KIAA1328: variants seen among roughly 807,000 people sequenced by gnomAD.
KIAA1328 encodes the protein KIAA1328.
Under a neutral mutation model 68.1 loss-of-function variants are expected in KIAA1328, and 52 were observed. That is an observed-to-expected ratio of 0.76 (90% CI 0.61 to 0.96). KIAA1328 has a LOEUF of 0.96. Among genes scored for constraint, KIAA1328 ranks in the 40% least tolerant of loss-of-function variants. The pLI is 0.00. For synonymous variants in KIAA1328, 232 were observed against 239.4 expected, an observed-to-expected ratio of 0.97 and a Z score of 0.28; for missense variants, 641 against 677.6, an observed-to-expected ratio of 0.95 and a Z score of 0.60.
At chr18:37,179,325 CTG>C (rs1442640277) in intron 9 of KIAA1328, among the ~76,000 whole-genome samples, 17 of 152,188 alleles carry the variant, frequency 1.1e-4, no homozygotes, top group East Asian at 5.8e-4. Flanking sequence ...ATTGAAAAGA[CTG>C]TCCTTTTTCC....
chr18:37,095,656 C>A (rs1026420915), intron 7 of KIAA1328, among the ~76,000 whole-genome samples: 3 of 151,816 alleles, frequency 2.0e-5, no homozygotes, highest in African/African-American at 7.3e-5. Context: ...AAGATGACAA[C>A]AGAACTAAAT....
intron 9 of KIAA1328, among the ~76,000 whole-genome samples, chr18:37,178,048 A>G (rs2154214899): frequency 6.6e-6 from 1 of 152,132 alleles, no homozygotes; most frequent in East Asian, 1.9e-4. Flanking sequence ...TTTTTTTTCT[A>G]TTAAAAATAA....
intron 5 of KIAA1328, among the ~76,000 whole-genome samples, chr18:36,892,034 A>G (rs1347440137): frequency 6.6e-6 from 1 of 152,212 alleles, no homozygotes; most frequent in East Asian, 1.9e-4. Flanking sequence ...GTTGCAAATA[A>G]CAGTAATACG....
At chr18:37,049,047 A>G (rs1306768890) in intron 6 of KIAA1328, among the ~76,000 whole-genome samples, 2 of 152,210 alleles carry the variant, frequency 1.3e-5, no homozygotes, top group Non-Finnish European at 2.9e-5. Context: ...AAAAACCATT[A>G]TTTATTGTGC....
At chr18:37,003,569 T>C (rs1259079414) in intron 6 of KIAA1328, among the ~76,000 whole-genome samples, 2 of 152,172 alleles carry the variant, frequency 1.3e-5, no homozygotes, top group Admixed American at 6.6e-5. Flanking sequence ...TTCCTTTTGC[T>C]GTGCAGAAGC....
Position 36,834,982 on chromosome 18 carries a change from A to G in KIAA1328, c.95-252A>G, listed in dbSNP as rs188443006. On this transcript the variant is annotated intron_variant, in intron 2 of 9. Transcript: ENST00000280020. ...CCAGGAGTTCAAGTCCAGCCTGGAT[A>G]GACATAGGAAGACCCTGTCTCTTTA... Among the ~76,000 whole-genome samples the G allele has an allele frequency of 2.5e-3, 385 of 152,258 alleles. 2 individuals are homozygous for G. Among genetic ancestry groups the G allele is most frequent in the Middle Eastern group, 0.02 (6 of 294 alleles).
At chr18:37,193,092 A>G (rs1217466612) in intron 9 of KIAA1328, among the ~76,000 whole-genome samples, 1 of 152,228 alleles carries the variant, frequency 6.6e-6, no homozygotes, top group East Asian at 1.9e-4. Context: ...AAAAAAGCCA[A>G]GAGCAAGCAT....
chr18:37,015,354 T>C (rs1273381374), intron 6 of KIAA1328, among the ~76,000 whole-genome samples: 1 of 152,238 alleles, frequency 6.6e-6, no homozygotes, highest in Non-Finnish European at 1.5e-5. Context: ...TCCATTGGTC[T>C]ACGTGTCTGT....
intron 7 of KIAA1328, among the ~76,000 whole-genome samples, chr18:37,157,750 G>T (rs899940511): frequency 4.1e-5 from 6 of 146,742 alleles, no homozygotes; most frequent in African/African-American, 1.5e-4. Flanking sequence ...GGAGGTTGTG[G>T]TGAGCAAAGA....
intron 7 of KIAA1328, among the ~76,000 whole-genome samples, chr18:37,128,737 T>G (rs142452020): frequency 6.6e-6 from 1 of 152,084 alleles, no homozygotes; most frequent in Non-Finnish European, 1.5e-5. Flanking sequence ...AGCCAAAAAT[T>G]GGAAACAAGC....
chr18:36,978,570 CAT>C (rs1424809238), intron 6 of KIAA1328, among the ~76,000 whole-genome samples: 1 of 152,188 alleles, frequency 6.6e-6, no homozygotes, highest in African/African-American at 2.4e-5. Flanking sequence ...ACTTTTAACA[CAT>C]TTTTAACTTT....
At chr18:36,844,424 G>A in intron 4 of KIAA1328, 122 bp downstream of exon 4, 6 of 549,780 alleles carry the variant, frequency 1.1e-5, no homozygotes, top group East Asian at 3.5e-5. Context: ...AAAGAGTTTT[G>A]GAAAAAAGAC....
intron 4 of KIAA1328, among the ~76,000 whole-genome samples, chr18:36,868,385 T>G (rs545057631): frequency 6.6e-6 from 1 of 152,196 alleles, no homozygotes; most frequent in African/African-American, 2.4e-5. Context: ...TCAGAAGGTC[T>G]TTTTCAATAA....
Position 37,066,860 on chromosome 18 carries a change from T to C in KIAA1328, c.577-30T>C, listed in dbSNP as rs1179200067. On this transcript the variant is annotated intron_variant, in intron 6 of 9. Coordinates refer to ENST00000280020, the MANE Select transcript of KIAA1328 (RefSeq NM_020776.3). ...AAGAACTTGTTTTGTTGTGTTCTTA[T>C]TTGACAGGTGATCTTGTGGTTCTTT... 2.0e-6 allele frequency: 3 copies of C among 1,517,000 alleles called. No homozygotes were observed. In the East Asian group the frequency reaches 6.9e-5, roughly 35 times the overall value. The allele number at this position is 1,517,000 out of a possible 1,614,324, so 94.0% of individuals were successfully genotyped here.
At chr18:36,973,341 C>T (rs1416174063) in intron 6 of KIAA1328, among the ~76,000 whole-genome samples, 1 of 150,954 alleles carries the variant, frequency 6.6e-6, no homozygotes, top group African/African-American at 2.4e-5. Flanking sequence ...GGGGGAGGGG[C>T]GAGGGATAGC....
chr18:36,888,629 G>A (rs899364044), intron 5 of KIAA1328, among the ~76,000 whole-genome samples: 1 of 151,890 alleles, frequency 6.6e-6, no homozygotes, highest in Non-Finnish European at 1.5e-5. Context: ...ATGGAAGAAA[G>A]GACATGATTT....
At chr18:36,836,290 T>TA (rs914974474) in intron 3 of KIAA1328, among the ~76,000 whole-genome samples, 3 of 152,306 alleles carry the variant, frequency 2.0e-5, no homozygotes, top group African/African-American at 7.2e-5. Context: ...CAAAAAAAGT[T>TA]AAAAAATGTT....
intron 7 of KIAA1328, among the ~76,000 whole-genome samples, chr18:37,153,299 G>A (rs1568472000): frequency 6.6e-6 from 1 of 152,154 alleles, no homozygotes; most frequent in Non-Finnish European, 1.5e-5. Flanking sequence ...CACTCCTTGT[G>A]TGTCTGCGTC....
intron 9 of KIAA1328, among the ~76,000 whole-genome samples, chr18:37,185,053 C>A (rs942292469): frequency 6.6e-6 from 1 of 151,780 alleles, no homozygotes; most frequent in Admixed American, 6.6e-5. Flanking sequence ...GTAGTCTCAG[C>A]TACTTGGGAG....
Sources: allele counts gnomAD v4.1 joint callset (sites outside exome capture counted in the v4.1 genomes callset), GRCh38; gene constraint gnomAD v4.1.1; transcripts MANE v1.5; gene names NCBI Gene and HGNC (gene_info 2026-07-23, HGNC 2026-07-21).